Variants in TTC29 observed in about 807,000 individuals in gnomAD.
The protein encoded by TTC29 is tetratricopeptide repeat protein 29.
In TTC29, 49 loss-of-function variants were observed where a neutral mutation model predicts 58.1. That is an observed-to-expected ratio of 0.84 (90% CI 0.67 to 1.07). TTC29 has a LOEUF of 1.07. Ranked by LOEUF, TTC29 falls within the 50% of genes least tolerant of loss-of-function variation. The pLI, the probability that TTC29 is intolerant of heterozygous loss-of-function variation, is 0.00. For missense variants in TTC29, 582 were observed against 555.6 expected (o/e 1.05, Z -0.48); for synonymous variants, 209 against 196.8 (o/e 1.06, Z -0.52).
intron 7 of TTC29, among the ~76,000 whole-genome samples, chr4:146,872,553 C>T (rs369726122): frequency 4.4e-4 from 67 of 151,520 alleles, no homozygotes; most frequent in African/African-American, 1.6e-3. Context: ...AAAAAAATAA[C>T]CCAATTAAAA....
chr4:146,896,304 C>T (rs181556370), intron 6 of TTC29, among the ~76,000 whole-genome samples: 6 of 152,316 alleles, frequency 3.9e-5, no homozygotes, highest in East Asian at 1.9e-4. Flanking sequence ...CAATTCTCAA[C>T]TGTACAGCAT....
intron 4 of TTC29, among the ~76,000 whole-genome samples, chr4:146,934,659 A>G (rs1171309092): frequency 6.6e-6 from 1 of 150,588 alleles, no homozygotes; most frequent in African/African-American, 2.5e-5. Flanking sequence ...GCACCTCACC[A>G]CTGAGAGTTT....
chr4:146,779,259 T>C (rs1748385434), intron 11 of TTC29, among the ~76,000 whole-genome samples: 1 of 152,130 alleles, frequency 6.6e-6, no homozygotes, highest in Non-Finnish European at 1.5e-5. Context: ...CAACTACACA[T>C]GTATACATAT....
intron 6 of TTC29, among the ~76,000 whole-genome samples, chr4:146,896,460 T>C (rs1409152015): frequency 2.0e-5 from 3 of 152,194 alleles, no homozygotes; most frequent in East Asian, 3.8e-4. Flanking sequence ...TGGATACAGG[T>C]AGGAGTCTCT....
At chr4:146,796,930 T>TG (rs1749871340) in intron 11 of TTC29, among the ~76,000 whole-genome samples, 1 of 152,070 alleles carries the variant, frequency 6.6e-6, no homozygotes, top group Admixed American at 6.6e-5. Context: ...TGTGATGATC[T>TG]GGGGCCCCAA....
At chr4:146,893,502 C>T (rs903448969) in intron 6 of TTC29, among the ~76,000 whole-genome samples, 4 of 152,122 alleles carry the variant, frequency 2.6e-5, no homozygotes, top group African/African-American at 7.2e-5. Context: ...GAAACTGGAT[C>T]CCTTCCTTAC....
intron 11 of TTC29, among the ~76,000 whole-genome samples, chr4:146,757,397 G>A (rs780352238): frequency 1.1e-4 from 17 of 152,218 alleles, no homozygotes; most frequent in South Asian, 4.1e-4. Flanking sequence ...ATATCTATGC[G>A]TCTCTCAGCC....
intron 11 of TTC29, among the ~76,000 whole-genome samples, chr4:146,757,639 T>C (rs1303498548): frequency 1.3e-5 from 2 of 152,110 alleles, no homozygotes; most frequent in Admixed American, 6.6e-5. Flanking sequence ...CCCTAAAAGC[T>C]AGAAGGGATT....
chr4:146,839,657 A>T lies in TTC29; in HGVS notation c.886-5760T>A, dbSNP rs141825696. Among the ~76,000 whole-genome samples, 1,294 of 151,918 alleles carry T rather than the reference A, an allele frequency of 8.5e-3. 16 individuals carry two copies. Among genetic ancestry groups the T allele is most frequent in the African/African-American group, 0.03 (1,244 of 41,468 alleles). Reference sequence around the variant, plus strand: ...TACAGAAAAATTCCATCATACAAGGATGCCTCATGATACTCTTTCCTAGTT... The same window carrying T: ...TACAGAAAAATTCCATCATACAAGGTTGCCTCATGATACTCTTTCCTAGTT... On this transcript the variant is annotated intron_variant, in intron 8 of 12. Coordinates refer to ENST00000325106, the MANE Select transcript of TTC29 (RefSeq NM_031956.4).
intron 11 of TTC29, among the ~76,000 whole-genome samples, chr4:146,708,336 A>ATGTG (rs1561046895): frequency 1.3e-5 from 1 of 76,386 alleles, no homozygotes; most frequent in South Asian, 5.0e-4. Flanking sequence ...ATATATATAT[A>ATGTG]TATATATATA....
At chr4:146,711,982 C>A (rs1394272) in intron 11 of TTC29, among the ~76,000 whole-genome samples, 110,740 of 151,824 alleles carry the variant, frequency 0.73, 43,016 homozygotes, top group Non-Finnish European at 0.87. Flanking sequence ...GTCAATCACA[C>A]TTGATAATGA....
chr4:146,902,935 C>A (rs960858408), intron 6 of TTC29, among the ~76,000 whole-genome samples: 1 of 152,078 alleles, frequency 6.6e-6, no homozygotes, highest in Non-Finnish European at 1.5e-5. Flanking sequence ...ATCTTTTCAT[C>A]TTTCCCTATA....
chr4:146,900,569 G>T (rs1256463242), intron 6 of TTC29, among the ~76,000 whole-genome samples: 5 of 152,110 alleles, frequency 3.3e-5, no homozygotes, highest in Non-Finnish European at 5.9e-5. Context: ...ACTAACCACA[G>T]GGCCCATAGG....
At chr4:146,871,739 T>C (rs960175567) in intron 7 of TTC29, among the ~76,000 whole-genome samples, 2 of 151,808 alleles carry the variant, frequency 1.3e-5, no homozygotes, top group Admixed American at 6.6e-5. Flanking sequence ...ATAAAAATCA[T>C]TGAAAAAAAT....
chr4:146,854,154 C>T (rs1729687489), intron 8 of TTC29, among the ~76,000 whole-genome samples: 2 of 152,130 alleles, frequency 1.3e-5, no homozygotes, highest in African/African-American at 4.8e-5. Flanking sequence ...TGGCTTCCTT[C>T]TTTTGCCTGA....
intron 6 of TTC29, among the ~76,000 whole-genome samples, chr4:146,877,129 G>A (rs535521328): frequency 2.0e-5 from 3 of 152,030 alleles, no homozygotes; most frequent in South Asian, 2.1e-4. Context: ...TATAGAAGCC[G>A]ATCTTGTTAC....
intron 9 of TTC29, 73 bp from the exon 10 acceptor site, chr4:146,820,321 T>C: frequency 6.7e-7 from 1 of 1,493,794 alleles, no homozygotes; most frequent in South Asian, 1.3e-5. Context: ...AAGTATCTTG[T>C]GTCTTTGCTG....
At chr4:146,771,915 T>A (rs1747764073) in intron 11 of TTC29, among the ~76,000 whole-genome samples, 2 of 152,176 alleles carry the variant, frequency 1.3e-5, no homozygotes, top group African/African-American at 4.8e-5. Context: ...CCAGCATCTG[T>A]TATTTTTTGA....
At chr4:146,747,701 A>C (rs1745652125) in intron 11 of TTC29, among the ~76,000 whole-genome samples, 1 of 152,158 alleles carries the variant, frequency 6.6e-6, no homozygotes, top group African/African-American at 2.4e-5. Flanking sequence ...TGCATCTCCC[A>C]GCACAACATC....
Sources: gnomAD v4.1 joint callset for allele counts (sites outside exome capture counted in the v4.1 genomes callset) on GRCh38, gnomAD v4.1.1 for gene constraint, MANE v1.5 for transcripts, NCBI Gene and HGNC (gene_info 2026-07-23, HGNC 2026-07-21) for gene names.